The following DOK6 variants were observed in gnomAD, a reference collection of about 807,000 sequenced individuals.
DOK6 encodes the protein docking protein 6, also known as downstream of tyrosine kinase 6.
A neutral mutation model predicts 44.0 loss-of-function variants in DOK6; 22 were observed. The observed-to-expected ratio is 0.50, with a 90% CI of 0.36 to 0.71. The LOEUF (loss-of-function observed/expected upper bound fraction) is 0.71, where lower values mean the gene tolerates loss of function less well. Ranked by LOEUF, DOK6 falls within the 30% of genes least tolerant of loss-of-function variation. The probability of loss-of-function intolerance (pLI) is 0.00; values close to 1 mark genes in which losing one functional copy is unlikely to be tolerated. For missense variants in DOK6, 340 were observed against 416.4 expected (o/e 0.82, Z 1.60); for synonymous variants, 166 against 145.5 (o/e 1.14, Z -1.01).
chr18:69,692,471 A>C (rs1180552525), intron 4 of DOK6, among the ~76,000 whole-genome samples: 1 of 152,220 alleles, frequency 6.6e-6, no homozygotes, highest in African/African-American at 2.4e-5. Flanking sequence ...AACCTAAACA[A>C]TGTCTTCCAT....
intron 3 of DOK6, among the ~76,000 whole-genome samples, chr18:69,666,322 T>G (rs1985655657): frequency 6.6e-6 from 1 of 152,224 alleles, no homozygotes; most frequent in Non-Finnish European, 1.5e-5. Flanking sequence ...CTGCATAACA[T>G]GGATCAGCCT....
At chr18:69,447,327 CT>C (rs900494739) in intron 1 of DOK6, among the ~76,000 whole-genome samples, 1 of 151,928 alleles carries the variant, frequency 6.6e-6, no homozygotes, top group Non-Finnish European at 1.5e-5. Flanking sequence ...TTCCCCATTT[CT>C]TTTTTTTGTC....
At chr18:69,837,961 A>G (rs1056098150) in intron 7 of DOK6, among the ~76,000 whole-genome samples, 1 of 152,204 alleles carries the variant, frequency 6.6e-6, no homozygotes, top group Non-Finnish European at 1.5e-5. Flanking sequence ...ACCATCATTC[A>G]AAACAGCATG....
At chr18:69,696,161 T>C (rs557362676) in intron 4 of DOK6, among the ~76,000 whole-genome samples, 1 of 152,166 alleles carries the variant, frequency 6.6e-6, no homozygotes, top group Non-Finnish European at 1.5e-5. Flanking sequence ...TTCAGCTTTC[T>C]CCAGTGTCCA....
intron 1 of DOK6, among the ~76,000 whole-genome samples, chr18:69,424,897 T>A (rs1224241085): frequency 6.6e-6 from 1 of 152,168 alleles, no homozygotes; most frequent in Non-Finnish European, 1.5e-5. Flanking sequence ...TCTTCAATAT[T>A]GTGCTGGATT....
chr18:69,726,108 G>A (rs182788484), intron 5 of DOK6, among the ~76,000 whole-genome samples: 271 of 152,312 alleles, frequency 1.8e-3, no homozygotes, highest in Non-Finnish European at 3.0e-3. Context: ...CATGGAGAGA[G>A]GGTTGTCAAG....
chr18:69,560,833 C>A (rs1241549600), intron 1 of DOK6, among the ~76,000 whole-genome samples: 3 of 152,068 alleles, frequency 2.0e-5, no homozygotes, highest in Non-Finnish European at 4.4e-5. Flanking sequence ...ATGCCTTGCC[C>A]AAAGTTATGT....
intron 1 of DOK6, among the ~76,000 whole-genome samples, chr18:69,513,619 C>A (rs1981436303): frequency 6.6e-6 from 1 of 152,204 alleles, no homozygotes; most frequent in Non-Finnish European, 1.5e-5. Flanking sequence ...GCCTTTCTGT[C>A]ATCTGAAAAT....
intron 1 of DOK6, among the ~76,000 whole-genome samples, chr18:69,467,926 G>A (rs1312372628): frequency 1.3e-5 from 2 of 152,084 alleles, no homozygotes; most frequent in Non-Finnish European, 2.9e-5. Context: ...CCCCTGAATT[G>A]TATTGTAAAT....
At chr18:69,726,717 G>A (rs903321830) in intron 5 of DOK6, among the ~76,000 whole-genome samples, 2 of 151,906 alleles carry the variant, frequency 1.3e-5, no homozygotes, top group East Asian at 1.9e-4. Context: ...TGGCTGAGAG[G>A]CCTAAGAGCA....
chr18:69,583,752 CAAAAAAAAAAA>C (rs36222332), intron 2 of DOK6, among the ~76,000 whole-genome samples: 3 of 143,692 alleles, frequency 2.1e-5, no homozygotes, highest in African/African-American at 2.7e-5. Context: ...TCCATCCATA[CAAAAAAAAAAA>C]AAAAAAAAAA....
At chr18:69,587,552 C>G (rs78702965) in intron 2 of DOK6, among the ~76,000 whole-genome samples, 3,795 of 152,194 alleles carry the variant, frequency 0.025, 52 homozygotes, top group South Asian at 0.045. Flanking sequence ...AGGACTTGGA[C>G]ATACCTTCCC....
At chr18:69,790,616 T>C (rs1270690938) in intron 7 of DOK6, among the ~76,000 whole-genome samples, 2 of 152,178 alleles carry the variant, frequency 1.3e-5, no homozygotes, top group African/African-American at 4.8e-5. Flanking sequence ...CAGGGTTGCA[T>C]TGCTATTGGG....
At chr18:69,645,490 C>T (rs1224437723) in intron 3 of DOK6, among the ~76,000 whole-genome samples, 1 of 151,940 alleles carries the variant, frequency 6.6e-6, no homozygotes, top group Admixed American at 6.6e-5. Flanking sequence ...TCAGATATAG[C>T]CATGATTTTA....
intron 1 of DOK6, among the ~76,000 whole-genome samples, chr18:69,468,898 T>C (rs115958343): frequency 0.01 from 1,580 of 152,240 alleles, 23 homozygotes; most frequent in African/African-American, 0.035. Context: ...TTTTTAAAAA[T>C]AAAAGCAAAG....
chr18:69,528,576 T>C (rs1341854255), intron 1 of DOK6, among the ~76,000 whole-genome samples: 9 of 152,214 alleles, frequency 5.9e-5, no homozygotes, highest in Non-Finnish European at 5.9e-5. Flanking sequence ...AGCTCTAATC[T>C]TGCCAATTTG....
At position 69,406,497 on chromosome 18, in the gene DOK6, CAGAG is replaced by C. The variant is rs766879471; in HGVS notation, c.66+5192_66+5195del. 9.2e-5 allele frequency among the ~76,000 whole-genome samples: 14 copies of C among 152,242 alleles called. No homozygotes were observed. In the East Asian group the frequency reaches 1.4e-3, roughly 15 times the overall value. On this transcript the variant is annotated intron_variant, in intron 1 of 7. Transcript: ENST00000382713. ...TAAGACCTGGGAGAGGTGGGTAAATCAGAGAGAGTTATCAAGATTCACATCTCAG... is the reference window on the plus strand; with the variant it reads ...TAAGACCTGGGAGAGGTGGGTAAATCAGAGTTATCAAGATTCACATCTCAG...
intron 3 of DOK6, among the ~76,000 whole-genome samples, chr18:69,615,805 A>T (rs12455798): frequency 0.61 from 92,085 of 151,828 alleles, 28,003 homozygotes; most frequent in South Asian, 0.67. Flanking sequence ...CCCTGTAGTG[A>T]CCAGCCTCTA....
At chr18:69,546,080 C>T (rs1807097270) in intron 1 of DOK6, among the ~76,000 whole-genome samples, 1 of 151,044 alleles carries the variant, frequency 6.6e-6, no homozygotes, top group Non-Finnish European at 1.5e-5. Context: ...GAGTTCGAGA[C>T]CAGGCTAGCC....
Sources: gnomAD v4.1 joint callset for allele counts (sites outside exome capture counted in the v4.1 genomes callset) on GRCh38, gnomAD v4.1.1 for gene constraint, MANE v1.5 for transcripts, NCBI Gene and HGNC (gene_info 2026-07-23, HGNC 2026-07-21) for gene names.